Variants in KCTD10 observed in about 807,000 individuals in gnomAD.
KCTD10 encodes potassium channel tetramerization domain containing 10.
KCTD10 carries 13 observed loss-of-function variants against 34.6 expected under a neutral mutation model. The observed-to-expected ratio is 0.38, with a 90% CI of 0.24 to 0.60. The LOEUF is 0.60. KCTD10 is among the 20% of genes least tolerant of loss of function. KCTD10 has a pLI of 0.66. For synonymous variants in KCTD10, 156 were observed against 168.8 expected (o/e 0.92, Z 0.59); for missense variants, 256 against 420.3 (o/e 0.61, Z 3.42).
chr12:109,454,728 CAAAACAAAGA>C (rs2135641570), intron 6 of KCTD10, among the ~76,000 whole-genome samples: 1 of 152,276 alleles, frequency 6.6e-6, no homozygotes, highest in Admixed American at 6.5e-5. Context: ...CACTCTCTCT[CAAAACAAAGA>C]GAAAAGAAAG....
Position 109,451,470 on chromosome 12 carries a change from T to C in KCTD10, c.*125A>G. 1.1e-6 allele frequency: 1 copy of C among 904,628 alleles called. No individual in the cohort carries two copies. The allele number at this position is 904,628 out of a possible 1,614,324, so 56.0% of individuals were successfully genotyped here. A position where few individuals can be genotyped will look rare whatever the true frequency, so the allele number is the denominator to read the frequency against. ...AGCAATACCAAAATAATCATCTGGC[T>C]TGTTACAAAAGTATCTCCAGGCTCC... On this transcript the variant is annotated 3_prime_UTR_variant, in exon 7 of 7. Transcript: ENST00000228495. The surrounding 1 kb of genome is among the most constrained non-coding windows in gnomAD (Gnocchi z 5.0).
intron 1 of KCTD10, chr12:109,471,141 A>G (rs910237624): frequency 5.1e-6 from 5 of 985,324 alleles, no homozygotes; most frequent in Non-Finnish European, 6.0e-6. Flanking sequence ...CTGAAAAAGA[A>G]TTGTCTAGCT....
At chr12:109,474,817 G>C (rs902838961) in intron 1 of KCTD10, among the ~76,000 whole-genome samples, 12 of 152,166 alleles carry the variant, frequency 7.9e-5, no homozygotes, top group Non-Finnish European at 1.3e-4. Flanking sequence ...CGACTGAAAA[G>C]GAGGCTCAGG....
intron 2 of KCTD10, among the ~76,000 whole-genome samples, chr12:109,462,522 C>G (rs1277786087): frequency 6.6e-6 from 1 of 152,250 alleles, no homozygotes; most frequent in East Asian, 1.9e-4. Context: ...CCACTTCTTT[C>G]TACATCTGAG....
intron 1 of KCTD10, among the ~76,000 whole-genome samples, chr12:109,472,511 T>TAA (rs36004776): frequency 2.8e-5 from 4 of 144,490 alleles, no homozygotes; most frequent in Admixed American, 1.4e-4. Flanking sequence ...AGTTTTCACT[T>TAA]AAAAAAAAAA....
At chr12:109,455,831 G>A (rs1409559013) in intron 6 of KCTD10, among the ~76,000 whole-genome samples, 2 of 152,136 alleles carry the variant, frequency 1.3e-5, no homozygotes, top group Non-Finnish European at 2.9e-5. Flanking sequence ...CAAGCCTACT[G>A]GTTTGGAGAG....
At chr12:109,461,624 T>G (rs1473045007) in intron 2 of KCTD10, among the ~76,000 whole-genome samples, 1 of 152,192 alleles carries the variant, frequency 6.6e-6, no homozygotes, top group Non-Finnish European at 1.5e-5. Context: ...AGAACTCCTC[T>G]ACTGAAATGC....
chr12:109,457,665 G>A lies in KCTD10; in HGVS notation c.492C>T (p.Leu164=), dbSNP rs1360737787. Residue 164 remains leucine (L), a synonymous_variant, in exon 5 of 7, where the codon CTC becomes CTT. Coordinates refer to ENST00000228495, the MANE Select transcript of KCTD10 (RefSeq NM_031954.5). ...ATSNKPAVKL[L]YNRSNNKYSY... is the part of the protein sequence containing the mutation. The stretch of plus-strand genomic sequence containing the variant: ...AGTATTTGTTGTTACTTCTGTTGTA[G>A]AGCAACTTCACGGCTGGCTGTGGGT... 2.5e-6 allele frequency: 4 copies of A among 1,614,224 alleles called. No homozygotes were observed. The highest frequency in any genetic ancestry group is 1.1e-5 in the South Asian group (1 of 91,084).
At chr12:109,474,074 A>C (rs34538615) in intron 1 of KCTD10, among the ~76,000 whole-genome samples, 25,742 of 150,374 alleles carry the variant, frequency 0.17, 2,238 homozygotes, top group African/African-American at 0.19. Flanking sequence ...AGCCACCGCG[A>C]CTGGCTAATT....
At chr12:109,456,011 AAAGC>A in intron 6 of KCTD10, 103 bp downstream of exon 6, 1 of 1,087,352 alleles carries the variant, frequency 9.2e-7, no homozygotes, top group Non-Finnish European at 1.3e-6. Flanking sequence ...CAAGGCAAGC[AAAGC>A]ATTTTAAAAG....
chr12:109,452,854 T>TTTTTTTTTTTTA (rs1228946105), intron 6 of KCTD10, among the ~76,000 whole-genome samples: 13 of 151,152 alleles, frequency 8.6e-5, no homozygotes, highest in African/African-American at 2.5e-4. Flanking sequence ...CCTTTTTTTT[T>TTTTTTTTTTTTA]AAAAGATATG....
At chr12:109,468,987 GA>G (rs1321373974) in intron 2 of KCTD10, 1 of 152,158 alleles carries the variant, frequency 6.6e-6, no homozygotes, top group African/African-American at 2.4e-5. Context: ...CTTTCCACAA[GA>G]AAAAGAAAAA....
chr12:109,461,651 G>A (rs1873334967), intron 2 of KCTD10, among the ~76,000 whole-genome samples: 1 of 152,194 alleles, frequency 6.6e-6, no homozygotes, highest in African/African-American at 2.4e-5. Flanking sequence ...TCTGGGAGTG[G>A]TATTTGTAGA....
rs2302705 is a variant in KCTD10 at position 109,460,911 on chromosome 12, C to A, written c.218-106G>T. On this transcript the variant is annotated intron_variant, in intron 2 of 6. Transcript: ENST00000228495. This position sits in a 1 kb window ranked among gnomAD's most constrained non-coding sequence, Gnocchi z 4.5. ...GCTCCCTCTACCTCCCAGCGGAGAG[C>A]GGGACTGCCTGGAGAATGGCAGCCT... 8 of 1,163,514 alleles carry A rather than the reference C, an allele frequency of 6.9e-6. No homozygotes were observed. Among genetic ancestry groups the A allele is most frequent in the African/African-American group, 1.5e-5 (1 of 65,158 alleles). The allele number at this position is 1,163,514 out of a possible 1,614,324, so 72.1% of individuals were successfully genotyped here.
intron 6 of KCTD10, among the ~76,000 whole-genome samples, 195 bp from the exon 7 acceptor site, chr12:109,452,008 G>A (rs1248399594): frequency 6.6e-6 from 1 of 152,192 alleles, no homozygotes; most frequent in African/African-American, 2.4e-5. Flanking sequence ...AAATCAAGGG[G>A]ATGCAGAGAA....
At chr12:109,472,696 C>T (rs1429370544) in intron 1 of KCTD10, among the ~76,000 whole-genome samples, 4 of 152,150 alleles carry the variant, frequency 2.6e-5, no homozygotes, top group African/African-American at 7.2e-5. Flanking sequence ...ACCACGAACA[C>T]GTAATATGTT....
At chr12:109,465,624 G>A (rs1427613402) in intron 2 of KCTD10, among the ~76,000 whole-genome samples, 2 of 152,200 alleles carry the variant, frequency 1.3e-5, no homozygotes, top group African/African-American at 4.8e-5. Flanking sequence ...AAGGCACAAA[G>A]GGGCCCCACA....
intron 4 of KCTD10, 71 bp from the exon 5 acceptor site, chr12:109,457,753 A>G: frequency 1.3e-6 from 2 of 1,504,610 alleles, no homozygotes; most frequent in Non-Finnish European, 1.9e-6. Flanking sequence ...CTAGCTTCCC[A>G]TAGGGCTGGG....
intron 1 of KCTD10, 110 bp downstream of exon 1, chr12:109,477,150 G>T: frequency 8.4e-7 from 1 of 1,196,346 alleles, no homozygotes; most frequent in Non-Finnish European, 1.1e-6. Flanking sequence ...CTCCACTATC[G>T]TGACTGCCCC....
Sources: gnomAD v4.1 joint callset for allele counts (sites outside exome capture counted in the v4.1 genomes callset) on GRCh38, gnomAD v4.1.1 for gene constraint, Gnocchi (gnomAD v3.1) non-coding constraint, MANE v1.5 for transcripts, NCBI Gene and HGNC (gene_info 2026-07-23, HGNC 2026-07-21) for gene names.